ARB2A: variants seen among roughly 807,000 people sequenced by gnomAD.
ARB2A encodes the protein ARB2 cotranscriptional regulator A, also known as cotranscriptional regulator ARB2A.
chr5:93,973,483 G>C, the ARB2A span, among the ~76,000 whole-genome samples: 1 of 152,076 alleles, frequency 6.6e-6, no homozygotes, highest in Non-Finnish European at 1.5e-5. Flanking sequence ...TAAGCAACTA[G>C]GAAAACATAT....
the ARB2A span, among the ~76,000 whole-genome samples, chr5:93,625,419 C>T: frequency 6.6e-6 from 1 of 152,120 alleles, no homozygotes; most frequent in South Asian, 2.1e-4. Context: ...TTCCAATAAT[C>T]TGAACCCTAC....
chr5:93,897,064 T>C, the ARB2A span, among the ~76,000 whole-genome samples: 10 of 151,998 alleles, frequency 6.6e-5, no homozygotes, highest in Non-Finnish European at 1.0e-4. Context: ...GGTTGGCATA[T>C]AAACAGTAGG....
chr5:93,663,287 T>C, the ARB2A span, among the ~76,000 whole-genome samples: 5 of 152,236 alleles, frequency 3.3e-5, no homozygotes, highest in African/African-American at 1.2e-4. Flanking sequence ...AAACTGTTTT[T>C]ACAGGTTACA....
chr5:93,854,867 T>A, the ARB2A span, among the ~76,000 whole-genome samples: 1 of 152,158 alleles, frequency 6.6e-6, no homozygotes, highest in Admixed American at 6.5e-5. Flanking sequence ...TGAGGAGAGC[T>A]TTACTTCCAA....
At chr5:93,677,045 T>C in the ARB2A span, among the ~76,000 whole-genome samples, 1 of 152,124 alleles carries the variant, frequency 6.6e-6, no homozygotes, top group Non-Finnish European at 1.5e-5. Context: ...GCTGAAAGAA[T>C]AGTATGGAGA....
the ARB2A span, among the ~76,000 whole-genome samples, chr5:93,698,235 C>A: frequency 6.6e-6 from 1 of 152,096 alleles, no homozygotes; most frequent in Non-Finnish European, 1.5e-5. Flanking sequence ...AGTTGGCATT[C>A]CCAATGCATT....
chr5:93,871,166 A>G, the ARB2A span, among the ~76,000 whole-genome samples: 1 of 152,232 alleles, frequency 6.6e-6, no homozygotes, highest in Non-Finnish European at 1.5e-5. Context: ...ATCATCACTG[A>G]TAACTTTGAG....
chr5:93,837,168 G>A, the ARB2A span, among the ~76,000 whole-genome samples: 1 of 151,994 alleles, frequency 6.6e-6, no homozygotes, highest in South Asian at 2.1e-4. Flanking sequence ...TTGTGTCCAC[G>A]TGTTCTCATT....
chr5:93,681,057 A>T, the ARB2A span, among the ~76,000 whole-genome samples: 1 of 152,114 alleles, frequency 6.6e-6, no homozygotes, highest in Non-Finnish European at 1.5e-5. Flanking sequence ...CAGGCCTTTA[A>T]TGTGTTAATG....
chr5:94,110,692 T>C, the ARB2A span, among the ~76,000 whole-genome samples: 13 of 152,234 alleles, frequency 8.5e-5, no homozygotes, highest in Admixed American at 1.3e-4. Flanking sequence ...TGTTATGCAG[T>C]ATATGGCATG....
At chr5:93,833,341 G>A in the ARB2A span, among the ~76,000 whole-genome samples, 2 of 152,112 alleles carry the variant, frequency 1.3e-5, no homozygotes, top group Non-Finnish European at 2.9e-5. Context: ...CTTCATTTCA[G>A]GAATCCAGCT....
At chr5:93,975,907 G>A in the ARB2A span, among the ~76,000 whole-genome samples, 1 of 151,756 alleles carries the variant, frequency 6.6e-6, no homozygotes, top group Non-Finnish European at 1.5e-5. Flanking sequence ...TCAAGGAGGA[G>A]GGACTCCTCC....
At chr5:93,622,483 G>C in the ARB2A span, among the ~76,000 whole-genome samples, 1 of 152,196 alleles carries the variant, frequency 6.6e-6, no homozygotes, top group Non-Finnish European at 1.5e-5. Context: ...TCACAATCTA[G>C]GAGTTACAAC....
the ARB2A span, among the ~76,000 whole-genome samples, chr5:93,698,975 A>C: frequency 6.6e-6 from 1 of 152,306 alleles, no homozygotes; most frequent in East Asian, 1.9e-4. Context: ...AACTCCTAGA[A>C]ATTAAAGTCT....
the ARB2A span, among the ~76,000 whole-genome samples, chr5:94,037,792 C>T: frequency 1.3e-5 from 2 of 152,056 alleles, no homozygotes; most frequent in East Asian, 1.9e-4. Flanking sequence ...GAAGTTGTTC[C>T]TAGTTTCAAA....
chr5:94,029,342 C>T, the ARB2A span, among the ~76,000 whole-genome samples: 1 of 152,278 alleles, frequency 6.6e-6, no homozygotes, highest in African/African-American at 2.4e-5. Flanking sequence ...AACAGTCTCC[C>T]TGATTTCCAA....
At chr5:93,804,402 A>C in the ARB2A span, among the ~76,000 whole-genome samples, 2 of 152,016 alleles carry the variant, frequency 1.3e-5, no homozygotes, top group East Asian at 3.9e-4. Context: ...GCAAGCATAC[A>C]TACATACCAA....
chr5:94,039,827 C>T, the ARB2A span, among the ~76,000 whole-genome samples: 1 of 152,064 alleles, frequency 6.6e-6, no homozygotes, highest in Non-Finnish European at 1.5e-5. Context: ...GGTCTGGTAA[C>T]ATCTTTCTGG....
the ARB2A span, among the ~76,000 whole-genome samples, chr5:93,639,599 T>C: frequency 6.6e-6 from 1 of 152,202 alleles, no homozygotes; most frequent in African/African-American, 2.4e-5. Context: ...CATGAATATG[T>C]TATAGAAGTA....
Sources: gnomAD v4.1 joint callset for allele counts (sites outside exome capture counted in the v4.1 genomes callset) on GRCh38, gnomAD v4.1.1 for gene constraint, MANE v1.5 for transcripts, NCBI Gene and HGNC (gene_info 2026-07-23, HGNC 2026-07-21) for gene names.